AXIN1: variants seen among roughly 807,000 people sequenced by gnomAD.
AXIN1 encodes the protein axin 1.
Under a neutral mutation model 76.4 loss-of-function variants are expected in AXIN1, and 30 were observed. The ratio of observed to expected loss-of-function variants is 0.39; its 90% CI spans 0.29 to 0.53. The LOEUF is 0.53. Ranked by LOEUF, AXIN1 falls within the 20% of genes least tolerant of loss-of-function variation. The pLI is 0.66. For missense variants in AXIN1, 1,140 were observed against 1,198.8 expected (o/e 0.95, Z 0.72); for synonymous variants, 545 against 501.4 (o/e 1.09, Z -1.16).
chr16:338,859 G>A (rs1464717470), intron 2 of AXIN1, among the ~76,000 whole-genome samples: 3 of 151,982 alleles, frequency 2.0e-5, no homozygotes, highest in Admixed American at 6.6e-5. Flanking sequence ...AGAGGCAGAG[G>A]TTGCAGTGAG....
chr16:323,852 T>C (rs2053519669), intron 2 of AXIN1, among the ~76,000 whole-genome samples: 1 of 152,032 alleles, frequency 6.6e-6, no homozygotes, highest in Non-Finnish European at 1.5e-5. Context: ...CACCTGCGTC[T>C]CTCTAGGAGC....
At chr16:325,611 G>A (rs935346058) in intron 2 of AXIN1, among the ~76,000 whole-genome samples, 1 of 152,230 alleles carries the variant, frequency 6.6e-6, no homozygotes, top group Non-Finnish European at 1.5e-5. Context: ...CCCACTGCCC[G>A]CAGGGGCCGA....
intron 1 of AXIN1, among the ~76,000 whole-genome samples, chr16:349,025 G>A (rs1185698425): frequency 1.3e-5 from 2 of 151,312 alleles, no homozygotes; most frequent in East Asian, 3.9e-4. Context: ...ATGAACCCGG[G>A]AGGCAGAGCT....
At position 346,366 on chromosome 16, in the gene AXIN1, G is replaced by A. The variant is rs372151924; in HGVS notation, c.660C>T (p.Val220=). ...CTGACCCAGAGCTCTGGTCACTACA[G>A]ACTTTGGGGCTCTCCGAGCCTGTCC... The part of the protein sequence containing the change: ...YTRTGSESPK[V]CSDQSSGSGT... Residue 220 remains valine (V), a synonymous_variant, in exon 2 of 11, where the codon GTC becomes GTT. Transcript: ENST00000262320. 3.7e-4 allele frequency: 596 copies of A among 1,614,092 alleles called. 1 individual carries two copies. Among genetic ancestry groups the A allele is most frequent in the Non-Finnish European group, 4.7e-4 (549 of 1,180,054 alleles).
At chr16:336,834 A>C (rs1286085148) in intron 2 of AXIN1, among the ~76,000 whole-genome samples, 9 of 136,764 alleles carry the variant, frequency 6.6e-5, no homozygotes, top group East Asian at 4.1e-4. Flanking sequence ...AAAAAAAAAA[A>C]CAAAACATAA....
At chr16:310,306 T>A (rs2053142304) in intron 3 of AXIN1, among the ~76,000 whole-genome samples, 1 of 152,216 alleles carries the variant, frequency 6.6e-6, no homozygotes, top group South Asian at 2.1e-4. Context: ...CCACGCGTCT[T>A]CCTAGCTGGT....
intron 7 of AXIN1, among the ~76,000 whole-genome samples, chr16:294,936 C>T (rs1346438173): frequency 1.7e-4 from 26 of 149,678 alleles, no homozygotes; most frequent in African/African-American, 5.1e-4. Flanking sequence ...TGGTGGCGGG[C>T]GCCTGCAGTC....
chr16:341,750 G>A (rs1454783700), intron 2 of AXIN1, among the ~76,000 whole-genome samples: 2 of 152,230 alleles, frequency 1.3e-5, no homozygotes, highest in Non-Finnish European at 2.9e-5. Flanking sequence ...CTAGCTCAGG[G>A]ACTGTAAATA....
chr16:307,295 C>T (rs976716461), intron 4 of AXIN1, among the ~76,000 whole-genome samples: 7 of 152,190 alleles, frequency 4.6e-5, no homozygotes, highest in African/African-American at 1.7e-4. Flanking sequence ...GGCTGCGTCA[C>T]CACGGTTCTG....
At chr16:315,450 C>CA (rs1227269991) in intron 2 of AXIN1, among the ~76,000 whole-genome samples, 4 of 152,078 alleles carry the variant, frequency 2.6e-5, no homozygotes, top group African/African-American at 9.7e-5. Flanking sequence ...GTTATATACG[C>CA]AAAAAACATT....
chr16:312,945 G>C (rs1240834838), intron 3 of AXIN1, among the ~76,000 whole-genome samples: 1 of 151,976 alleles, frequency 6.6e-6, no homozygotes, highest in Non-Finnish European at 1.5e-5. Context: ...CCCAGCACTC[G>C]TGAGGCTGAA....
intron 2 of AXIN1, among the ~76,000 whole-genome samples, chr16:317,338 C>T (rs1341065547): frequency 6.6e-6 from 1 of 152,180 alleles, no homozygotes; most frequent in African/African-American, 2.4e-5. Context: ...GAGGGTATCG[C>T]ATGGGGCCAG....
At chr16:319,897 T>C (rs1022406588) in intron 2 of AXIN1, among the ~76,000 whole-genome samples, 2 of 152,190 alleles carry the variant, frequency 1.3e-5, no homozygotes, top group Admixed American at 1.3e-4. Flanking sequence ...TCGGATCGGG[T>C]TGGTTTATCA....
intron 2 of AXIN1, among the ~76,000 whole-genome samples, chr16:324,618 G>A (rs897687077): frequency 6.6e-6 from 1 of 152,226 alleles, no homozygotes; most frequent in Non-Finnish European, 1.5e-5. Context: ...ACCACACGCC[G>A]CACGTCAGCA....
intron 4 of AXIN1, among the ~76,000 whole-genome samples, chr16:304,942 C>T (rs1176010760): frequency 2.0e-5 from 3 of 152,226 alleles, no homozygotes; most frequent in Admixed American, 1.3e-4. Flanking sequence ...TCATTCCCCA[C>T]GGACCCAGGA....
intron 2 of AXIN1, among the ~76,000 whole-genome samples, chr16:331,292 T>C (rs1597091062): frequency 6.6e-6 from 1 of 152,174 alleles, no homozygotes; most frequent in East Asian, 1.9e-4. Context: ...TCCCTTGAAG[T>C]AATTTAGAAA....
Position 330,943 on chromosome 16 carries a change from C to G in AXIN1, c.878+15205G>C, listed in dbSNP as rs1416413912. On this transcript the variant is annotated intron_variant, in intron 2 of 10. Coordinates refer to ENST00000262320, the MANE Select transcript of AXIN1 (RefSeq NM_003502.4). The stretch of plus-strand genomic sequence containing the variant: ...AGTCATTTGCCAAGATGCAATCTGC[C>G]CTATTGCTCCAGGGTCTTTACAAAG... Among the ~76,000 whole-genome samples the G allele has an allele frequency of 7.9e-5, 12 of 152,258 alleles. 3 individuals are homozygous for G. The South Asian group carries it at 2.5e-3, about 32-fold the overall frequency.
chr16:338,060 G>C (rs1029051574), intron 2 of AXIN1, among the ~76,000 whole-genome samples: 19 of 152,346 alleles, frequency 1.2e-4, no homozygotes, highest in African/African-American at 4.6e-4. Flanking sequence ...GTAGGCAGCG[G>C]AGGGGCCCAA....
At chr16:308,025 T>C (rs2053073888) in intron 4 of AXIN1, among the ~76,000 whole-genome samples, 1 of 152,220 alleles carries the variant, frequency 6.6e-6, no homozygotes, top group Admixed American at 6.5e-5. Flanking sequence ...TGCAGGTTCC[T>C]ACAGAGCCTC....
Sources: allele counts gnomAD v4.1 joint callset (sites outside exome capture counted in the v4.1 genomes callset), GRCh38; gene constraint gnomAD v4.1.1; transcripts MANE v1.5; gene names NCBI Gene and HGNC (gene_info 2026-07-23, HGNC 2026-07-21).